The following TMEM272 variants were observed in gnomAD, a reference collection of about 807,000 sequenced individuals.
The protein encoded by TMEM272 is transmembrane protein 272.
Under a neutral mutation model 3.7 loss-of-function variants are expected in TMEM272, and 8 were observed. That is an observed-to-expected ratio of 2.17 (90% CI 1.27 to 3.91). The LOEUF (loss-of-function observed/expected upper bound fraction) is 3.91, where lower values mean the gene tolerates loss of function less well. TMEM272 is among the 30% of genes most tolerant of loss of function. The pLI, the probability that TMEM272 is intolerant of heterozygous loss-of-function variation, is 0.00. For missense variants in TMEM272, 166 were observed against 91.5 expected, an observed-to-expected ratio of 1.81 and a Z score of -3.32; for synonymous variants, 63 against 39.8, an observed-to-expected ratio of 1.58 and a Z score of -2.20.
the TMEM272 span, among the ~76,000 whole-genome samples, chr13:51,902,134 C>T: frequency 5.7e-4 from 87 of 152,258 alleles, no homozygotes; most frequent in African/African-American, 2.0e-3. Context: ...CAGAAGCCAA[C>T]GTGCATTGGA....
chr13:51,822,406 A>AGCG (rs1956087569), intron 3 of TMEM272, among the ~76,000 whole-genome samples: 1 of 152,210 alleles, frequency 6.6e-6, no homozygotes, highest in Non-Finnish European at 1.5e-5. Flanking sequence ...TCTGGGTATT[A>AGCG]ACTGGCTATG....
the TMEM272 span, among the ~76,000 whole-genome samples, chr13:51,859,505 A>ACAC: frequency 4.6e-5 from 6 of 129,944 alleles, no homozygotes; most frequent in East Asian, 2.3e-4. Context: ...CTCCCAACCA[A>ACAC]ACACACACAC....
At chr13:51,819,852 C>T (rs759321675) in intron 4 of TMEM272, among the ~76,000 whole-genome samples, 3 of 152,134 alleles carry the variant, frequency 2.0e-5, no homozygotes, top group Non-Finnish European at 4.4e-5. Flanking sequence ...TCACTGAATC[C>T]GTCTTTTGGA....
chr13:51,905,138 C>T, the TMEM272 span, among the ~76,000 whole-genome samples: 1 of 152,158 alleles, frequency 6.6e-6, no homozygotes, highest in African/African-American at 2.4e-5. Context: ...GCAGACAACA[C>T]GAAGCAGTCA....
chr13:51,857,598 C>T, the TMEM272 span, among the ~76,000 whole-genome samples: 2 of 151,724 alleles, frequency 1.3e-5, no homozygotes, highest in Non-Finnish European at 2.9e-5. Flanking sequence ...CTCAAGGATG[C>T]CTATTATAAT....
At chr13:51,907,687 A>G in the TMEM272 span, among the ~76,000 whole-genome samples, 5 of 152,260 alleles carry the variant, frequency 3.3e-5, no homozygotes, top group African/African-American at 1.2e-4. Context: ...CTGCCTCCCT[A>G]TTCGGTGCTG....
At chr13:51,912,347 G>T in the TMEM272 span, among the ~76,000 whole-genome samples, 2 of 152,068 alleles carry the variant, frequency 1.3e-5, no homozygotes, top group African/African-American at 4.8e-5. Context: ...TGGCTGTTCT[G>T]CAAACAGCCT....
chr13:51,883,268 A>G, the TMEM272 span, among the ~76,000 whole-genome samples: 47 of 152,298 alleles, frequency 3.1e-4, no homozygotes, highest in East Asian at 8.3e-3. Flanking sequence ...CTTGTTCTCA[A>G]CTGCCCCCAG....
chr13:51,854,314 T>A, the TMEM272 span, among the ~76,000 whole-genome samples: 5 of 152,122 alleles, frequency 3.3e-5, no homozygotes, highest in African/African-American at 4.8e-5. Flanking sequence ...GTAAGAATAC[T>A]TCCCCAACCC....
the TMEM272 span, among the ~76,000 whole-genome samples, chr13:51,885,412 A>T: frequency 6.6e-6 from 1 of 152,188 alleles, no homozygotes; most frequent in Non-Finnish European, 1.5e-5. Context: ...AGAGAGAATG[A>T]GTGCCAGCAG....
At chr13:51,904,164 CTGCT>C in the TMEM272 span, among the ~76,000 whole-genome samples, 1 of 152,132 alleles carries the variant, frequency 6.6e-6, no homozygotes, top group Non-Finnish European at 1.5e-5. Flanking sequence ...AGCTTAATGA[CTGCT>C]TGTTGCCTGC....
At chr13:51,865,340 C>T in the TMEM272 span, 1 of 1,526,844 alleles carries the variant, frequency 6.5e-7, no homozygotes, top group African/African-American at 1.4e-5. Flanking sequence ...AGGGTCTGAC[C>T]AGCCGACCTG....
chr13:51,896,843 C>A, the TMEM272 span, among the ~76,000 whole-genome samples: 1 of 152,126 alleles, frequency 6.6e-6, no homozygotes, highest in Non-Finnish European at 1.5e-5. Context: ...ACCCAGGTAC[C>A]TGGGCTCCAC....
At chr13:51,929,311 A>T in the TMEM272 span, among the ~76,000 whole-genome samples, 1 of 152,206 alleles carries the variant, frequency 6.6e-6, no homozygotes, top group Non-Finnish European at 1.5e-5. Flanking sequence ...CACTAAATGC[A>T]TATCTGAGGC....
At position 51,815,623 on chromosome 13, in the gene TMEM272, C is replaced by T. The variant is rs1420030670; in HGVS notation, c.*1128G>A. ...GAGAAGCACGGTTAAGCAGGTGCCACGCACCCCTGGGCACTGCCCTAGAAA... is the reference window on the plus strand; with the variant it reads ...GAGAAGCACGGTTAAGCAGGTGCCATGCACCCCTGGGCACTGCCCTAGAAA... On this transcript the variant is annotated 3_prime_UTR_variant, in exon 5 of 5. Coordinates refer to ENST00000629372, the MANE Select transcript of TMEM272 (RefSeq NM_001351003.2). 1.3e-5 allele frequency: 2 copies of T among 152,234 alleles called. No homozygotes were observed. The highest frequency in any genetic ancestry group is 2.1e-4 in the South Asian group (1 of 4,828). The allele number at this position is 152,234 out of a possible 1,614,324, so 9.4% of individuals were successfully genotyped here.
At chr13:51,922,468 CCT>C in the TMEM272 span, among the ~76,000 whole-genome samples, 31 of 151,932 alleles carry the variant, frequency 2.0e-4, no homozygotes, top group Non-Finnish European at 3.5e-4. Context: ...AGGGTCTGGC[CCT>C]GTCACCCTGG....
chr13:51,885,645 C>T, the TMEM272 span, among the ~76,000 whole-genome samples: 1 of 152,182 alleles, frequency 6.6e-6, no homozygotes, highest in African/African-American at 2.4e-5. Flanking sequence ...TTGCAGTTGC[C>T]AATACATTAC....
intron 1 of TMEM272, among the ~76,000 whole-genome samples, chr13:51,841,319 G>T (rs9596589): frequency 0.027 from 4,086 of 152,328 alleles, 181 homozygotes; most frequent in African/African-American, 0.093. Context: ...AACAGAGGGA[G>T]GAGACACAAG....
chr13:51,851,815 G>A, the TMEM272 span, among the ~76,000 whole-genome samples: 1 of 152,138 alleles, frequency 6.6e-6, no homozygotes, highest in Non-Finnish European at 1.5e-5. Context: ...GAGCCACCGC[G>A]CCCAGCCTGT....
Sources: gnomAD v4.1 joint callset for allele counts (sites outside exome capture counted in the v4.1 genomes callset) on GRCh38, gnomAD v4.1.1 for gene constraint, MANE v1.5 for transcripts, NCBI Gene and HGNC (gene_info 2026-07-23, HGNC 2026-07-21) for gene names.